Variants in RBM20 observed in about 807,000 individuals in gnomAD.
The protein encoded by RBM20 is RNA binding motif protein 20.
In RBM20, 51 loss-of-function variants were observed where a neutral mutation model predicts 110.1. The ratio of observed to expected loss-of-function variants is 0.46; its 90% CI spans 0.37 to 0.59. The LOEUF is 0.59. Among genes scored for constraint, RBM20 ranks in the 20% least tolerant of loss-of-function variants. RBM20 has a pLI of 0.00. For synonymous variants in RBM20, 589 were observed against 618.2 expected, an observed-to-expected ratio of 0.95 and a Z score of 0.70; for missense variants, 1,512 against 1,574.9, an observed-to-expected ratio of 0.96 and a Z score of 0.68.
chr10:110,752,998 G>C (rs1258780368), intron 1 of RBM20, among the ~76,000 whole-genome samples: 2 of 144,618 alleles, frequency 1.4e-5, no homozygotes, highest in African/African-American at 2.6e-5. Context: ...GAGTGCAGCA[G>C]TGAGATCTCG....
In RBM20 at chr10:110,837,074, C is replaced by T. The variant is rs1484249661; in HGVS notation, c.*1096C>T. ...CAGTAGGATGGTTTTTAAATGGCCC[C>T]CCAGTTGGGGGAGAAGCTAAGGAAA... On this transcript the variant is annotated 3_prime_UTR_variant, in exon 14 of 14. Coordinates refer to ENST00000369519, the MANE Select transcript of RBM20 (RefSeq NM_001134363.3). 2 of 152,196 alleles carry T rather than the reference C, an allele frequency of 1.3e-5. No homozygotes were observed. Among genetic ancestry groups the T allele is most frequent in the African/African-American group, 2.4e-5 (1 of 41,418 alleles). The allele number at this position is 152,196 out of a possible 1,614,324, so 9.4% of individuals were successfully genotyped here. A position where few individuals can be genotyped will look rare whatever the true frequency, so the allele number is the denominator to read the frequency against.
At chr10:110,800,081 C>T (rs1350846459) in intron 7 of RBM20, among the ~76,000 whole-genome samples, 163 bp downstream of exon 7, 2 of 152,228 alleles carry the variant, frequency 1.3e-5, no homozygotes, top group Admixed American at 6.5e-5. Context: ...TGCAGCATGG[C>T]AAGAAAAGTG....
intron 1 of RBM20, among the ~76,000 whole-genome samples, chr10:110,756,116 C>G (rs777932059): frequency 3.3e-5 from 5 of 152,178 alleles, no homozygotes; most frequent in Admixed American, 2.0e-4. Context: ...GTTTGTGAGT[C>G]CCATCTTTGG....
intron 1 of RBM20, among the ~76,000 whole-genome samples, chr10:110,687,676 G>T (rs61864260): frequency 6.6e-6 from 1 of 152,210 alleles, no homozygotes; most frequent in South Asian, 2.1e-4. Flanking sequence ...CTCCCACTGC[G>T]TTGCTGTGTG....
chr10:110,685,852 T>C (rs1169347045), intron 1 of RBM20, among the ~76,000 whole-genome samples: 1 of 152,242 alleles, frequency 6.6e-6, no homozygotes, highest in Non-Finnish European at 1.5e-5. Context: ...CACTGAAAAT[T>C]GCATTTTTAT....
At chr10:110,822,423 G>T (rs763604817) in intron 11 of RBM20, 2 of 455,048 alleles carry the variant, frequency 4.4e-6, no homozygotes, top group African/African-American at 2.0e-5. Context: ...CCCATTTTTT[G>T]CTAGGGTCTG....
intron 5 of RBM20, among the ~76,000 whole-genome samples, chr10:110,790,443 C>G (rs1844470125): frequency 6.6e-6 from 1 of 152,230 alleles, no homozygotes; most frequent in Admixed American, 6.5e-5. Flanking sequence ...TTTTACAAAT[C>G]TTACTTTTTC....
chr10:110,689,403 C>G (rs914975664), intron 1 of RBM20, among the ~76,000 whole-genome samples: 6 of 152,158 alleles, frequency 3.9e-5, no homozygotes, highest in African/African-American at 1.4e-4. Context: ...CTAATGAGTG[C>G]TATGAGGAAA....
intron 5 of RBM20, among the ~76,000 whole-genome samples, chr10:110,791,179 A>G (rs1427137407): frequency 6.6e-6 from 1 of 152,266 alleles, no homozygotes; most frequent in Non-Finnish European, 1.5e-5. Flanking sequence ...TGATAGGTTC[A>G]AAATCAACAT....
intron 12 of RBM20, among the ~76,000 whole-genome samples, chr10:110,826,082 A>G (rs958149704): frequency 7.2e-5 from 11 of 152,216 alleles, no homozygotes; most frequent in African/African-American, 1.4e-4. Context: ...TGCATTTTAA[A>G]TTTTCATAAT....
At chr10:110,835,629 T>C in intron 13 of RBM20, 1 of 325,836 alleles carries the variant, frequency 3.1e-6, no homozygotes, top group Non-Finnish European at 5.6e-6. Flanking sequence ...GACACCACGC[T>C]CGGCCTGTAC....
chr10:110,764,277 A>G (rs74158131), intron 1 of RBM20, among the ~76,000 whole-genome samples: 1 of 49,846 alleles, frequency 2.0e-5, no homozygotes, highest in Non-Finnish European at 4.5e-5. Flanking sequence ...AAGCAAGCAA[A>G]CAAACAAACA....
chr10:110,684,752 AC>A (rs139372166), intron 1 of RBM20, among the ~76,000 whole-genome samples: 26,312 of 152,110 alleles, frequency 0.17, 2,475 homozygotes, highest in East Asian at 0.31. Flanking sequence ...GGATTTTAAT[AC>A]TTTAAAAAAA....
chr10:110,673,128 C>T (rs1479472981), intron 1 of RBM20, among the ~76,000 whole-genome samples: 1 of 152,158 alleles, frequency 6.6e-6, no homozygotes, highest in East Asian at 1.9e-4. Flanking sequence ...GTTATAGTCT[C>T]ATTATCATAG....
chr10:110,831,398 T>C, intron 13 of RBM20: 1 of 492,316 alleles, frequency 2.0e-6, no homozygotes, highest in South Asian at 3.1e-5. Context: ...ACCCCTAATC[T>C]TCCCATAGAC....
At chr10:110,713,791 T>C (rs1862974269) in intron 1 of RBM20, among the ~76,000 whole-genome samples, 1 of 152,164 alleles carries the variant, frequency 6.6e-6, no homozygotes, top group African/African-American at 2.4e-5. Context: ...GGGGATTATT[T>C]TTTTCAGGTT....
intron 1 of RBM20, among the ~76,000 whole-genome samples, chr10:110,723,950 A>G (rs1489262344): frequency 6.6e-6 from 1 of 152,192 alleles, no homozygotes; most frequent in Non-Finnish European, 1.5e-5. Context: ...TGTCTAAATA[A>G]TAATAGTATT....
chr10:110,838,623 T>C lies in RBM20; in HGVS notation c.*2645T>C, dbSNP rs2135153188. The C allele has an allele frequency of 6.6e-6, 1 of 152,316 alleles. No individual in the cohort carries two copies. Among genetic ancestry groups the C allele is most frequent in the Non-Finnish European group, 1.5e-5 (1 of 68,052 alleles). 9.4% of individuals were successfully genotyped at this position (152,316 alleles called of 1,614,324 possible). On this transcript the variant is annotated 3_prime_UTR_variant, in exon 14 of 14. Coordinates refer to ENST00000369519, the MANE Select transcript of RBM20 (RefSeq NM_001134363.3). ...CAAAGTGGGAGAAGATTTTACCAGC[T>C]CATTCCACTCCACCCTGGCCTTCCC...
chr10:110,784,200 G>T, intron 3 of RBM20, 141 bp from the exon 4 acceptor site: 1 of 618,316 alleles, frequency 1.6e-6, no homozygotes. Flanking sequence ...GGGCTGCTAG[G>T]AAGGTTTGGG....
Sources: gnomAD v4.1 joint callset for allele counts (sites outside exome capture counted in the v4.1 genomes callset) on GRCh38, gnomAD v4.1.1 for gene constraint, MANE v1.5 for transcripts, NCBI Gene and HGNC (gene_info 2026-07-23, HGNC 2026-07-21) for gene names.